The following MFHAS1 variants were observed in gnomAD, a reference collection of about 807,000 sequenced individuals.
The protein encoded by MFHAS1 is malignant fibrous histiocytoma-amplified sequence 1.
Under a neutral mutation model 70.4 loss-of-function variants are expected in MFHAS1, and 50 were observed. That is an observed-to-expected ratio of 0.71 (90% CI 0.57 to 0.90). The LOEUF is 0.90. Among genes scored for constraint, MFHAS1 ranks in the 40% least tolerant of loss-of-function variants. MFHAS1 has a pLI of 0.00. For synonymous variants in MFHAS1, 952 were observed against 620.0 expected (o/e 1.54, Z -7.96); for missense variants, 1,795 against 1,347.6 (o/e 1.33, Z -5.20).
chr8:8,804,687 G>A (rs17631022), intron 1 of MFHAS1, among the ~76,000 whole-genome samples: 20,757 of 152,214 alleles, frequency 0.14, 1,873 homozygotes, highest in Non-Finnish European at 0.2. Flanking sequence ...GATAGTTATA[G>A]GCAGAAGGAA....
chr8:8,865,788 G>A (rs554524102), intron 1 of MFHAS1, among the ~76,000 whole-genome samples: 1 of 152,222 alleles, frequency 6.6e-6, no homozygotes, highest in South Asian at 2.1e-4. Context: ...AACACTTAGT[G>A]TCTTAGAAGA....
At chr8:8,886,358 G>A (rs1809752993) in intron 1 of MFHAS1, among the ~76,000 whole-genome samples, 1 of 151,904 alleles carries the variant, frequency 6.6e-6, no homozygotes, top group East Asian at 1.9e-4. Context: ...TGTAGACACG[G>A]AGTCTGGCTA....
intron 1 of MFHAS1, among the ~76,000 whole-genome samples, chr8:8,870,337 C>A (rs991926270): frequency 6.6e-6 from 1 of 151,272 alleles, no homozygotes; most frequent in Admixed American, 6.6e-5. Context: ...TGGTGGCACG[C>A]ACCTACAGTC....
At chr8:8,843,140 G>A (rs955994498) in intron 1 of MFHAS1, among the ~76,000 whole-genome samples, 12 of 151,920 alleles carry the variant, frequency 7.9e-5, no homozygotes, top group African/African-American at 2.9e-4. Context: ...GCGGTGGCGG[G>A]CGCCTGTAGT....
In MFHAS1 at chr8:8,890,287, A is replaced by G. The variant is rs114434239; in HGVS notation, c.2772T>C (p.Pro924=). 7.0e-5 allele frequency: 113 copies of G among 1,614,250 alleles called. No homozygotes were observed. In the African/African-American group the frequency reaches 1.3e-3, roughly 19 times the overall value. The stretch of plus-strand genomic sequence containing the variant: ...TGGCAGGTCTGTAACTCACAACCAC[A>G]GGAACTTTCCCTCTATAGGCAAAGA... The part of the protein sequence containing the change: ...FQIFAYRGKV[P]VVVSYRPARG... Residue 924 remains proline (P), a synonymous_variant, in exon 1 of 3, where the codon CCT becomes CCC. Coordinates refer to ENST00000276282, the MANE Select transcript of MFHAS1 (RefSeq NM_004225.3).
chr8:8,854,341 G>A (rs1487395520), intron 1 of MFHAS1, among the ~76,000 whole-genome samples: 5 of 152,122 alleles, frequency 3.3e-5, no homozygotes, highest in Non-Finnish European at 4.4e-5. Flanking sequence ...CTAACACAGT[G>A]AAACCCCGTC....
At chr8:8,851,722 A>G (rs1286492315) in intron 1 of MFHAS1, among the ~76,000 whole-genome samples, 1 of 152,210 alleles carries the variant, frequency 6.6e-6, no homozygotes, top group African/African-American at 2.4e-5. Flanking sequence ...TAACACTTTA[A>G]CTAAAGAATG....
At chr8:8,820,432 T>C (rs976615438) in intron 1 of MFHAS1, among the ~76,000 whole-genome samples, 1 of 152,238 alleles carries the variant, frequency 6.6e-6, no homozygotes, top group African/African-American at 2.4e-5. Flanking sequence ...CATTCTCTTC[T>C]TTCATCTGAC....
Position 8,892,091 on chromosome 8 carries a change from G to T in MFHAS1, c.968C>A (p.Thr323Asn). The change falls in exon 1 of 3, where the codon ACC becomes AAC. Residue 323 changes from threonine to asparagine, a missense_variant. By Grantham distance (65) the Thr-to-Asn change is moderately conservative (BLOSUM62 0). Transcript: ENST00000276282. The surrounding 1 kb of genome is among the most constrained non-coding windows in gnomAD (Gnocchi z 4.7). ...GATGCGGTTATTATCCAGCCACAAG[G>T]TGAGAAGCCGGCCCAGGCCCGAGAT... ...SLISGLGRLLTLWLDNNRIRY... is the reference protein window; with the variant it reads ...SLISGLGRLLNLWLDNNRIRY... The T allele has an allele frequency of 1.2e-6, 2 of 1,613,470 alleles. No individual in the cohort carries two copies. Among genetic ancestry groups the T allele is most frequent in the Non-Finnish European group, 1.7e-6 (2 of 1,180,028 alleles).
At chr8:8,887,088 C>A (rs1248515334) in intron 1 of MFHAS1, among the ~76,000 whole-genome samples, 2 of 152,184 alleles carry the variant, frequency 1.3e-5, no homozygotes, top group African/African-American at 2.4e-5. Context: ...GATCACTCCA[C>A]TGCACTCCAG....
At chr8:8,792,659 G>C (rs1006987660) in intron 2 of MFHAS1, among the ~76,000 whole-genome samples, 1 of 152,096 alleles carries the variant, frequency 6.6e-6, no homozygotes, top group African/African-American at 2.4e-5. Flanking sequence ...GCATGAACTA[G>C]GTGTTGGATA....
At position 8,893,143 on chromosome 8, in the gene MFHAS1, G is replaced by T. The variant is rs915110650; in HGVS notation, c.-85C>A. 26 of 876,878 alleles carry T rather than the reference G, an allele frequency of 3.0e-5. No homozygotes were observed. Among genetic ancestry groups the T allele is most frequent in the Non-Finnish European group, 3.9e-5 (26 of 664,050 alleles). 54.3% of individuals were successfully genotyped at this position (876,878 alleles called of 1,614,324 possible). ...CCGCGCCCCGGGCCCTCCGGCTCCT[G>T]CCCCTGCCTGCCCTCCCGCGCTCGG... is the stretch of plus-strand genomic sequence containing the variant. On this transcript the variant is annotated 5_prime_UTR_variant, in exon 1 of 3. Transcript: ENST00000276282.
chr8:8,810,481 A>T (rs73519973), intron 1 of MFHAS1, among the ~76,000 whole-genome samples: 5,058 of 152,304 alleles, frequency 0.033, 144 homozygotes, highest in South Asian at 0.12. Context: ...CTGAGAGAGC[A>T]AGTCCAACCC....
intron 1 of MFHAS1, among the ~76,000 whole-genome samples, chr8:8,807,482 G>C (rs1224618367): frequency 6.6e-6 from 1 of 152,092 alleles, no homozygotes; most frequent in Non-Finnish European, 1.5e-5. Context: ...TATAGCTTCT[G>C]TATCCCACTG....
chr8:8,859,336 T>C (rs1004305249), intron 1 of MFHAS1, among the ~76,000 whole-genome samples: 1 of 152,100 alleles, frequency 6.6e-6, no homozygotes, highest in African/African-American at 2.4e-5. Context: ...AGAGCAAGAC[T>C]CTGTGCCCCT....
chr8:8,880,785 A>C (rs1809490631), intron 1 of MFHAS1, among the ~76,000 whole-genome samples: 1 of 151,772 alleles, frequency 6.6e-6, no homozygotes, highest in Non-Finnish European at 1.5e-5. Context: ...CTTGGGTTCA[A>C]GTGATTCTCC....
chr8:8,796,586 A>G (rs970102005), intron 2 of MFHAS1, among the ~76,000 whole-genome samples: 14 of 147,734 alleles, frequency 9.5e-5, no homozygotes, highest in African/African-American at 3.3e-4. Context: ...CGGGAGGCTG[A>G]GGCAGGAGAA....
intron 1 of MFHAS1, among the ~76,000 whole-genome samples, chr8:8,840,678 C>G (rs1271368592): frequency 1.3e-5 from 2 of 152,136 alleles, no homozygotes; most frequent in Admixed American, 6.5e-5. Flanking sequence ...CTTCAACATT[C>G]CTTTAGGAAC....
At position 8,893,093 on chromosome 8, in the gene MFHAS1, C is replaced by A; in HGVS notation, c.-35G>T. On this transcript the variant is annotated 5_prime_UTR_variant, in exon 1 of 3. Coordinates refer to ENST00000276282, the MANE Select transcript of MFHAS1 (RefSeq NM_004225.3). ...CCGGGCCGACAGCCTCACGCGGACG[C>A]GGGAGCCCGCAGCTACATGCCGCGC... 1 of 1,403,674 alleles carries A rather than the reference C, an allele frequency of 7.1e-7. No homozygotes were observed. Among genetic ancestry groups the A allele is most frequent in the Admixed American group, 3.0e-5 (1 of 32,840 alleles). The allele number at this position is 1,403,674 out of a possible 1,614,324, so 87.0% of individuals were successfully genotyped here.
Sources: gnomAD v4.1 joint callset for allele counts (sites outside exome capture counted in the v4.1 genomes callset) on GRCh38, gnomAD v4.1.1 for gene constraint, Gnocchi (gnomAD v3.1) non-coding constraint, MANE v1.5 for transcripts, NCBI Gene and HGNC (gene_info 2026-07-23, HGNC 2026-07-21) for gene names.